C11orf65: variants seen among roughly 807,000 people sequenced by gnomAD.
C11orf65 encodes protein MFI.
C11orf65 carries 38 observed loss-of-function variants against 35.3 expected under a neutral mutation model. The observed-to-expected ratio is 1.08, with a 90% CI of 0.83 to 1.41. The LOEUF (loss-of-function observed/expected upper bound fraction) is 1.41. C11orf65 is among the 40% of genes most tolerant of loss of function. C11orf65 has a pLI of 0.00. For synonymous variants in C11orf65, 105 were observed against 114.4 expected (o/e 0.92, Z 0.53); for missense variants, 370 against 367.1 (o/e 1.01, Z -0.06).
chr11:108,370,120 T>C (rs1367829291), intron 2 of C11orf65, among the ~76,000 whole-genome samples: 1 of 152,172 alleles, frequency 6.6e-6, no homozygotes, highest in African/African-American at 2.4e-5. Flanking sequence ...TGTCACTCAG[T>C]TAAGTTTTAG....
chr11:108,408,803 GA>G (rs1370607879), intron 3 of C11orf65, among the ~76,000 whole-genome samples: 2 of 151,300 alleles, frequency 1.3e-5, no homozygotes, highest in Non-Finnish European at 3.0e-5. Flanking sequence ...GGAAAGTAGA[GA>G]AAAAAATTCT....
intron 6 of C11orf65, among the ~76,000 whole-genome samples, chr11:108,394,049 G>A (rs1292718965): frequency 2.6e-5 from 4 of 151,316 alleles, no homozygotes; most frequent in Non-Finnish European, 4.4e-5. Context: ...GCATGGTGGC[G>A]GGCCCCTGTA....
intron 6 of C11orf65, among the ~76,000 whole-genome samples, chr11:108,310,844 CTGAG>C (rs1392725688): frequency 1.3e-5 from 2 of 152,100 alleles, no homozygotes; most frequent in African/African-American, 4.8e-5. Context: ...TTTCCTCTGA[CTGAG>C]TTAGAACTGT....
intron 2 of C11orf65, among the ~76,000 whole-genome samples, chr11:108,357,684 C>G (rs972254931): frequency 1.5e-4 from 23 of 152,262 alleles, no homozygotes; most frequent in South Asian, 6.2e-4. Context: ...AGCAGGGGCA[C>G]ACTGACACCT....
intron 3 of C11orf65, among the ~76,000 whole-genome samples, chr11:108,429,701 G>A (rs2092957939): frequency 6.6e-6 from 1 of 152,198 alleles, no homozygotes; most frequent in Non-Finnish European, 1.5e-5. Flanking sequence ...ACCATTTATA[G>A]AAGCATTATT....
intron 2 of C11orf65, among the ~76,000 whole-genome samples, chr11:108,372,518 T>C (rs1334022396): frequency 1.3e-5 from 2 of 152,186 alleles, no homozygotes; most frequent in African/African-American, 4.8e-5. Flanking sequence ...TTAAACAGTG[T>C]TTTTAGATTT....
intron 2 of C11orf65, among the ~76,000 whole-genome samples, chr11:108,342,789 A>G (rs1346621061): frequency 6.6e-6 from 1 of 152,188 alleles, no homozygotes; most frequent in East Asian, 1.9e-4. Flanking sequence ...AGTACATGTA[A>G]TTTCAATAAT....
At chr11:108,386,684 A>G (rs1166128921) in intron 7 of C11orf65, among the ~76,000 whole-genome samples, 1 of 152,164 alleles carries the variant, frequency 6.6e-6, no homozygotes, top group African/African-American at 2.4e-5. Flanking sequence ...CACTTTCCTA[A>G]GGTGCCTTTA....
chr11:108,425,606 C>G (rs1279794887), intron 3 of C11orf65, among the ~76,000 whole-genome samples: 2 of 152,116 alleles, frequency 1.3e-5, no homozygotes, highest in African/African-American at 2.4e-5. Context: ...GAAACTATTC[C>G]AAACAATAGA....
intron 2 of C11orf65, among the ~76,000 whole-genome samples, chr11:108,449,303 C>T (rs1474849958): frequency 6.6e-6 from 1 of 151,706 alleles, no homozygotes; most frequent in Admixed American, 6.6e-5. Context: ...TCATATGGAA[C>T]CAAAAAAAGA....
At chr11:108,365,604 A>ATTTAAGTG (rs2091270164) in intron 2 of C11orf65, 5 of 1,411,096 alleles carry the variant, frequency 3.5e-6, no homozygotes. Context: ...AGGGATTAAT[A>ATTTAAGTG]TTTAAGTGAA....
At chr11:108,385,737 T>C (rs753427056) in intron 8 of C11orf65, among the ~76,000 whole-genome samples, 183 bp downstream of exon 8, 21 of 152,106 alleles carry the variant, frequency 1.4e-4, no homozygotes, top group Non-Finnish European at 2.8e-4. Flanking sequence ...TTAAATAATA[T>C]AGGACATTTC....
rs1255710647 is a variant in C11orf65 at position 108,320,040 on chromosome 11, A to T, written c.641-10969T>A. Reference sequence around the variant, plus strand: ...GACAGAGAATTCTCTACATTTTATGAAAGTCTCAAATATGCCAGGTATTAT... The same window carrying T: ...GACAGAGAATTCTCTACATTTTATGTAAGTCTCAAATATGCCAGGTATTAT... On this transcript the variant is annotated intron_variant, in intron 6 of 6. Coordinates refer to the C11orf65 transcript ENST00000525729. 6.2e-7 allele frequency: 1 copy of T among 1,600,644 alleles called. No homozygotes were observed. Among genetic ancestry groups the T allele is most frequent in the Non-Finnish European group, 8.6e-7 (1 of 1,167,940 alleles).
intron 2 of C11orf65, among the ~76,000 whole-genome samples, chr11:108,348,537 T>C (rs112759339): frequency 0.018 from 2,690 of 151,914 alleles, 79 homozygotes; most frequent in African/African-American, 0.06. Context: ...ATGGGATTTC[T>C]AGGTGGAATA....
Position 108,406,892 on chromosome 11 carries a change from G to C in C11orf65, c.300C>G (p.Ser100Arg). Reference protein sequence around the residue: ...HRPIEDLCANSPRNYAKLPAK... With the variant: ...HRPIEDLCANRPRNYAKLPAK... ...CTGGAAGTTTTGCATAATTTCTAGG[G>C]CTGTTAGCACAGAGATCTTCAATAG... The change falls in exon 5 of 9, where the codon AGC becomes AGG. Residue 100 changes from serine to arginine, a missense_variant. By Grantham distance (110) the Ser-to-Arg change is moderately radical. Coordinates refer to ENST00000393084, the MANE Select transcript of C11orf65 (RefSeq NM_152587.5). 1.2e-6 allele frequency: 2 copies of C among 1,612,512 alleles called. No individual in the cohort carries two copies. Among genetic ancestry groups the C allele is most frequent in the South Asian group, 2.2e-5 (2 of 91,034 alleles).
chr11:108,431,695 C>A, intron 3 of C11orf65, 51 bp downstream of exon 3: 3 of 997,444 alleles, frequency 3.0e-6, no homozygotes, highest in South Asian at 2.6e-5. Flanking sequence ...ATAAAGTAAT[C>A]ACATTTTATG....
At chr11:108,408,699 A>AAAATAAAAT (rs1565659949) in intron 3 of C11orf65, among the ~76,000 whole-genome samples, 2,998 of 115,276 alleles carry the variant, frequency 0.026, 196 homozygotes, top group African/African-American at 0.1. Context: ...AAAATAAAAT[A>AAAATAAAAT]AAATAAAATA....
chr11:108,348,182 C>T (rs575736993), intron 2 of C11orf65, among the ~76,000 whole-genome samples: 2 of 151,446 alleles, frequency 1.3e-5, no homozygotes, highest in East Asian at 1.9e-4. Context: ...GTGGAATAGA[C>T]AGTTTAATAT....
Position 108,343,455 on chromosome 11 carries a change from C to CA in C11orf65, c.227-8164dup, listed in dbSNP as rs923031156. ...GACAGCTGTCAGATATTATAGAATACAAAAAAACTTTAATTTCATCAGGTA... is the reference window on the plus strand; with the variant it reads ...GACAGCTGTCAGATATTATAGAATACAAAAAAAACTTTAATTTCATCAGGTA... On this transcript the variant is annotated intron_variant, in intron 2 of 3. Coordinates refer to the C11orf65 transcript ENST00000524755. The CA allele has an allele frequency of 1.2e-4, 180 of 1,520,534 alleles. No individual in the cohort carries two copies. In the African/African-American group the frequency reaches 2.2e-3, roughly 18 times the overall value. The allele number at this position is 1,520,534 out of a possible 1,614,324, so 94.2% of individuals were successfully genotyped here.
Sources: gnomAD v4.1 joint callset for allele counts (sites outside exome capture counted in the v4.1 genomes callset) on GRCh38, gnomAD v4.1.1 for gene constraint, MANE v1.5 for transcripts, NCBI Gene and HGNC (gene_info 2026-07-23, HGNC 2026-07-21) for gene names.